ENTPD7: variants seen among roughly 807,000 people sequenced by gnomAD.
ENTPD7 encodes the protein ectonucleoside triphosphate diphosphohydrolase 7, also known as NTPDase 7.
ENTPD7 carries 53 observed loss-of-function variants against 77.9 expected under a neutral mutation model. That is an observed-to-expected ratio of 0.68 (90% CI 0.55 to 0.85). The LOEUF is 0.85. ENTPD7 is among the 40% of genes least tolerant of loss of function. The pLI is 0.00. For synonymous variants in ENTPD7, 248 were observed against 274.9 expected (o/e 0.90, Z 0.97); for missense variants, 636 against 743.7 (o/e 0.86, Z 1.68).
At position 99,691,413 on chromosome 10, in the gene ENTPD7, G is replaced by T; in HGVS notation, c.738G>T (p.Leu246Phe). ...CAGATGCTGAGGCTACCCAGGAATT[G>T]GCAGCAGGACGGAGAAGGACAGTAG... ...DESDAEATQE[L>F]AAGRRRTVGI... is the part of the protein sequence containing the mutation. The change falls in exon 8 of 13, where the codon TTG (leucine) becomes TTT (phenylalanine). Residue 246 changes from leucine to phenylalanine, a missense_variant. Transcript: ENST00000370489. The T allele has an allele frequency of 6.2e-7, 1 of 1,613,714 alleles. No individual in the cohort carries two copies. Among genetic ancestry groups the T allele is most frequent in the South Asian group, 1.1e-5 (1 of 91,048 alleles).
intron 8 of ENTPD7, among the ~76,000 whole-genome samples, chr10:99,691,854 T>C (rs11190246): frequency 0.27 from 41,506 of 152,172 alleles, 5,771 homozygotes; most frequent in Non-Finnish European, 0.3. Context: ...AACATGATAA[T>C]GCATTTACAT....
chr10:99,681,906 G>A (rs980119010), intron 5 of ENTPD7, among the ~76,000 whole-genome samples: 2 of 152,138 alleles, frequency 1.3e-5, no homozygotes, highest in African/African-American at 4.8e-5. Context: ...TGAGTTGTAG[G>A]AGTTTCTAAA....
intron 5 of ENTPD7, among the ~76,000 whole-genome samples, chr10:99,683,552 C>A (rs1047622072): frequency 6.6e-6 from 1 of 152,212 alleles, no homozygotes; most frequent in South Asian, 2.1e-4. Flanking sequence ...TACCCACTAC[C>A]CAGCTTTAAC....
Position 99,711,065 on chromosome 10 carries a change from GAT to G in ENTPD7, c.*6385_*6386del. 2 of 983,354 alleles carry G rather than the reference GAT, an allele frequency of 2.0e-6. No individual in the cohort carries two copies. The highest frequency in any genetic ancestry group is 2.4e-6 in the Non-Finnish European group (2 of 829,516). 60.9% of individuals were successfully genotyped at this position (983,354 alleles called of 1,614,324 possible). A position where few individuals can be genotyped will look rare whatever the true frequency, so the allele number is the denominator to read the frequency against. On this transcript the variant is annotated 3_prime_UTR_variant, in exon 13 of 13. Coordinates refer to ENST00000370489, the MANE Select transcript of ENTPD7 (RefSeq NM_020354.5). ...TCATGCATTCACTAATTCAATATTTGATATGTGTCTGGGAGTGCTGGGAATAA... is the reference window on the plus strand; with the variant it reads ...TCATGCATTCACTAATTCAATATTTGATGTGTCTGGGAGTGCTGGGAATAA...
In ENTPD7 at chr10:99,679,272, G is replaced by A. The variant is rs757258139; in HGVS notation, c.203G>A (p.Arg68Gln). The A allele has an allele frequency of 7.4e-6, 12 of 1,613,970 alleles. No individual in the cohort carries two copies. Among genetic ancestry groups the A allele is most frequent in the Admixed American group, 1.7e-5 (1 of 59,996 alleles). Residue 68 changes from arginine (R) to glutamine (Q), a missense_variant, in exon 4 of 13, where the codon CGA becomes CAA. Around this residue, in one of 3 missense-constraint regions of ENTPD7, gnomAD observed 486 missense variants for 556.5 expected, o/e 0.87. Coordinates refer to ENST00000370489, the MANE Select transcript of ENTPD7 (RefSeq NM_020354.5). ...TTTGCCTGACTTAGGTATTTGGCTCGAGTAGGGGAGCTTGAAGCTACTGAC... is the reference window on the plus strand; with the variant it reads ...TTTGCCTGACTTAGGTATTTGGCTCAAGTAGGGGAGCTTGAAGCTACTGAC... The part of the protein sequence containing the change: ...RDRQYERYLA[R>Q]VGELEATDTE...
intron 3 of ENTPD7, among the ~76,000 whole-genome samples, chr10:99,676,908 G>A (rs1451013428): frequency 6.6e-6 from 1 of 152,132 alleles, no homozygotes; most frequent in East Asian, 1.9e-4. Context: ...TTATATTGAA[G>A]CTCAGTTCCC....
chr10:99,670,818 C>T (rs555370347), intron 3 of ENTPD7, among the ~76,000 whole-genome samples: 2 of 152,014 alleles, frequency 1.3e-5, no homozygotes, highest in South Asian at 4.2e-4. Flanking sequence ...AGTTCCAGAC[C>T]AGCCTAGGTA....
rs2133454245 is a variant in ENTPD7, at chr10:99,675,952, G to A, written c.192-3309G>A. ...AGTTTTAGTATAGTATCAAAGAAGA[G>A]TATTCAGAATGATCTGAAAGGGCTG... On this transcript the variant is annotated intron_variant, in intron 3 of 12. Coordinates refer to ENST00000370489, the MANE Select transcript of ENTPD7 (RefSeq NM_020354.5). 1.3e-5 allele frequency among the ~76,000 whole-genome samples: 2 copies of A among 152,212 alleles called. 1 individual carries two copies. The highest frequency in any genetic ancestry group is 4.1e-4 in the South Asian group (2 of 4,822).
chr10:99,683,797 C>G (rs1210711204), intron 5 of ENTPD7, among the ~76,000 whole-genome samples: 1 of 152,148 alleles, frequency 6.6e-6, no homozygotes, highest in East Asian at 1.9e-4. Flanking sequence ...CTTTTAACAT[C>G]TGTATAGTAT....
chr10:99,702,508 ACAGATAT>A lies in ENTPD7; in HGVS notation c.1422_1428del (p.Lys474AsnfsTer122). ...TTTAAAATTTAATTATTTTTGTCAC[ACAGATAT>A]CAGTGTTTTAAATCGGCTTGGATGT... is the stretch of plus-strand genomic sequence containing the variant. On this transcript the variant is annotated splice_acceptor_variant and splice_polypyrimidine_tract_variant and coding_sequence_variant and intron_variant, in exon 12 of 13. Coordinates refer to ENST00000370489, the MANE Select transcript of ENTPD7 (RefSeq NM_020354.5). LOFTEE classifies it high-confidence loss of function. The A allele has an allele frequency of 6.5e-7, 1 of 1,543,326 alleles. No homozygotes were observed. Among genetic ancestry groups the A allele is most frequent in the Non-Finnish European group, 8.7e-7 (1 of 1,149,338 alleles).
Position 99,706,645 on chromosome 10 carries a change from T to C in ENTPD7, c.*1962T>C, listed in dbSNP as rs1461032015. ...CTACTGCACCTGCCCTCTGTTTCCT[T>C]TGGAAATCTCTTACCTTTCATTAGG... On this transcript the variant is annotated 3_prime_UTR_variant, in exon 13 of 13. Transcript: ENST00000370489. 9.2e-5 allele frequency among the ~76,000 whole-genome samples: 14 copies of C among 152,212 alleles called. No individual in the cohort carries two copies. Among genetic ancestry groups the C allele is most frequent in the Non-Finnish European group, 1.8e-4 (12 of 68,040 alleles).
chr10:99,689,194 T>C (rs2035850529), intron 7 of ENTPD7, among the ~76,000 whole-genome samples: 1 of 152,312 alleles, frequency 6.6e-6, no homozygotes, highest in African/African-American at 2.4e-5. Context: ...TTAATAGAAT[T>C]AACAATTTCT....
At position 99,691,408 on chromosome 10, in the gene ENTPD7, G is replaced by A; in HGVS notation, c.733G>A (p.Glu245Lys). ...AGAATCAGATGCTGAGGCTACCCAG[G>A]AATTGGCAGCAGGACGGAGAAGGAC... is the stretch of plus-strand genomic sequence containing the variant. The part of the protein sequence containing the change: ...EDESDAEATQ[E>K]LAAGRRRTVG... Residue 245 changes from glutamate (E) to lysine (K), a missense_variant, in exon 8 of 13, where the codon GAA becomes AAA. Physicochemically the swap from Glu to Lys is moderately conservative, Grantham distance 56 (BLOSUM62 1). This residue lies in a region of ENTPD7 where 486 missense variants were observed against 556.5 expected (regional missense o/e 0.87). Transcript: ENST00000370489. The A allele has an allele frequency of 6.2e-7, 1 of 1,613,758 alleles. No homozygotes were observed.
At chr10:99,701,373 C>T (rs550501052) in intron 11 of ENTPD7, among the ~76,000 whole-genome samples, 12 of 151,678 alleles carry the variant, frequency 7.9e-5, no homozygotes, top group Admixed American at 1.3e-4. Context: ...CTGCAACCTC[C>T]GCCTCCTGGG....
At chr10:99,679,608 C>A in intron 4 of ENTPD7, 117 bp from the exon 5 acceptor site, 1 of 1,451,176 alleles carries the variant, frequency 6.9e-7, no homozygotes, top group East Asian at 2.3e-5. Context: ...CCCCCTACCT[C>A]TCAAATAAAT....
Position 99,709,122 on chromosome 10 carries a change from A to G in ENTPD7, c.*4439A>G, listed in dbSNP as rs2036309593. 1 of 982,940 alleles carries G rather than the reference A, an allele frequency of 1.0e-6. No individual in the cohort carries two copies. Among genetic ancestry groups the G allele is most frequent in the African/African-American group, 1.7e-5 (1 of 57,174 alleles). The allele number at this position is 982,940 out of a possible 1,614,324, so 60.9% of individuals were successfully genotyped here. On this transcript the variant is annotated 3_prime_UTR_variant, in exon 13 of 13. Coordinates refer to ENST00000370489, the MANE Select transcript of ENTPD7 (RefSeq NM_020354.5). The stretch of plus-strand genomic sequence containing the variant: ...AATTTTATACAATTTCCTTTACTAC[A>G]ACATCCAAGCAATTCATTAGATGAC...
intron 12 of ENTPD7, among the ~76,000 whole-genome samples, chr10:99,703,065 G>A (rs1304366322): frequency 6.6e-6 from 1 of 152,196 alleles, no homozygotes; most frequent in African/African-American, 2.4e-5. Flanking sequence ...GATGTCTAGA[G>A]CAATCTTTCA....
At chr10:99,673,711 G>A (rs2035644951) in intron 3 of ENTPD7, among the ~76,000 whole-genome samples, 1 of 152,188 alleles carries the variant, frequency 6.6e-6, no homozygotes, top group South Asian at 2.1e-4. Context: ...GAATCAGAGA[G>A]GATAACAAGA....
At chr10:99,665,077 T>C (rs1456650295) in intron 3 of ENTPD7, among the ~76,000 whole-genome samples, 2 of 151,756 alleles carry the variant, frequency 1.3e-5, no homozygotes, top group African/African-American at 4.8e-5. Context: ...ATGGTGAAAC[T>C]CTGTCTCTAC....
Sources: allele counts gnomAD v4.1 joint callset (sites outside exome capture counted in the v4.1 genomes callset), GRCh38; gene constraint gnomAD v4.1.1; regional missense constraint gnomAD v4.1.1; transcripts MANE v1.5; gene names NCBI Gene and HGNC (gene_info 2026-07-23, HGNC 2026-07-21).